Variants in LRFN5 observed in about 807,000 individuals in gnomAD.
LRFN5 encodes leucine-rich repeat and fibronectin type-III domain-containing protein 5.
In LRFN5, 24 loss-of-function variants were observed where a neutral mutation model predicts 45.6. That is an observed-to-expected ratio of 0.53 (90% CI 0.38 to 0.74). The LOEUF is 0.74. LRFN5 is among the 30% of genes least tolerant of loss of function. The probability of loss-of-function intolerance (pLI) is 0.00; values close to 1 mark genes in which losing one functional copy is unlikely to be tolerated. For missense variants in LRFN5, 776 were observed against 861.5 expected (o/e 0.90, Z 1.24); for synonymous variants, 340 against 313.8 (o/e 1.08, Z -0.88).
At chr14:41,860,594 C>A (rs147559604) in intron 2 of LRFN5, among the ~76,000 whole-genome samples, 2 of 152,036 alleles carry the variant, frequency 1.3e-5, no homozygotes, top group Admixed American at 1.3e-4. Flanking sequence ...TATATTTAAC[C>A]AAGTTGCTGA....
chr14:41,789,773 CAT>C (rs1239634379), intron 2 of LRFN5, among the ~76,000 whole-genome samples: 3 of 152,014 alleles, frequency 2.0e-5, no homozygotes, highest in Admixed American at 6.6e-5. Context: ...CTAAGATAAA[CAT>C]AGTGATTTTA....
At chr14:41,854,843 C>T (rs1889397677) in intron 2 of LRFN5, among the ~76,000 whole-genome samples, 1 of 152,112 alleles carries the variant, frequency 6.6e-6, no homozygotes, top group Admixed American at 6.5e-5. Flanking sequence ...AGGTTTTAAA[C>T]TCAATACACT....
intron 2 of LRFN5, among the ~76,000 whole-genome samples, chr14:41,842,700 T>G (rs1888905563): frequency 6.6e-6 from 1 of 152,178 alleles, no homozygotes; most frequent in African/African-American, 2.4e-5. Context: ...TTTTCTTCAG[T>G]GGATGTATAA....
intron 1 of LRFN5, among the ~76,000 whole-genome samples, chr14:41,732,604 T>C (rs144584343): frequency 0.012 from 1,766 of 151,988 alleles, 32 homozygotes; most frequent in African/African-American, 0.039. Flanking sequence ...AAACAAAAAA[T>C]GAAAACAAGA....
In LRFN5 at chr14:41,869,988, A is replaced by G. The variant is rs184197039; in HGVS notation, c.-20-16618A>G. On this transcript the variant is annotated intron_variant, in intron 2 of 5. Coordinates refer to ENST00000298119, the MANE Select transcript of LRFN5 (RefSeq NM_152447.5). ...TCTAAATATTTTTTATTAGTTTACTATGGCTGTGAAATGAATAAAGACTGA... is the reference window on the plus strand; with the variant it reads ...TCTAAATATTTTTTATTAGTTTACTGTGGCTGTGAAATGAATAAAGACTGA... Among the ~76,000 whole-genome samples the G allele has an allele frequency of 4.3e-3, 655 of 152,272 alleles. 3 individuals carry two copies. Among genetic ancestry groups the G allele is most frequent in the African/African-American group, 0.015 (631 of 41,556 alleles).
intron 2 of LRFN5, among the ~76,000 whole-genome samples, chr14:41,823,974 C>A (rs1224324804): frequency 6.6e-6 from 1 of 152,056 alleles, no homozygotes; most frequent in Non-Finnish European, 1.5e-5. Context: ...AAGCTTTCAA[C>A]TGTATTTTGT....
At chr14:41,781,644 A>G (rs1205140602) in intron 2 of LRFN5, among the ~76,000 whole-genome samples, 4 of 150,472 alleles carry the variant, frequency 2.7e-5, no homozygotes, top group Non-Finnish European at 5.9e-5. Flanking sequence ...GGAAAGAAAG[A>G]AAGAGAAAGA....
intron 1 of LRFN5, among the ~76,000 whole-genome samples, chr14:41,673,644 G>C (rs1402754519): frequency 1.4e-4 from 20 of 139,440 alleles, no homozygotes; most frequent in African/African-American, 5.1e-4. Context: ...CCTCCCTCCC[G>C]GACGGGGCAG....
rs139092637 is a variant in LRFN5, at chr14:41,643,114, A to G, written c.-197+34552A>G. Among the ~76,000 whole-genome samples the G allele has an allele frequency of 3.3e-3, 498 of 152,302 alleles. 3 individuals are homozygous for G. Among genetic ancestry groups the G allele is most frequent in the African/African-American group, 0.011 (463 of 41,566 alleles). On this transcript the variant is annotated intron_variant, in intron 1 of 5. Coordinates refer to ENST00000298119, the MANE Select transcript of LRFN5 (RefSeq NM_152447.5). ...AAAATACAGCATTTAGAAAAATCAT[A>G]TATTTTTGACTCCCTACATATTTTG...
intron 4 of LRFN5, among the ~76,000 whole-genome samples, chr14:41,896,985 G>A (rs568632846): frequency 5.3e-5 from 8 of 151,772 alleles, no homozygotes; most frequent in Admixed American, 5.3e-4. Flanking sequence ...CCAGCTACTC[G>A]GGAGGCTGAG....
chr14:41,635,822 C>T (rs375318205), intron 1 of LRFN5, among the ~76,000 whole-genome samples: 2 of 151,870 alleles, frequency 1.3e-5, no homozygotes, highest in East Asian at 1.9e-4. Flanking sequence ...TTTTTTTGCT[C>T]CTATGTAGGC....
intron 2 of LRFN5, among the ~76,000 whole-genome samples, chr14:41,850,502 A>C (rs994230808): frequency 6.6e-6 from 1 of 151,932 alleles, no homozygotes; most frequent in African/African-American, 2.4e-5. Context: ...CAAGTTATTA[A>C]AATATCATAG....
intron 1 of LRFN5, among the ~76,000 whole-genome samples, chr14:41,652,424 C>T (rs1424993608): frequency 2.0e-5 from 3 of 151,880 alleles, no homozygotes; most frequent in African/African-American, 7.3e-5. Flanking sequence ...CATTACTTAA[C>T]GTAACAATAA....
intron 1 of LRFN5, among the ~76,000 whole-genome samples, chr14:41,713,571 A>AAAG (rs1883370861): frequency 6.6e-6 from 1 of 152,140 alleles, no homozygotes; most frequent in Admixed American, 6.6e-5. Flanking sequence ...CAAAAGGCAT[A>AAAG]AAGATGTATT....
At chr14:41,724,609 G>C (rs1173684003) in intron 1 of LRFN5, among the ~76,000 whole-genome samples, 1 of 152,068 alleles carries the variant, frequency 6.6e-6, no homozygotes, top group Non-Finnish European at 1.5e-5. Context: ...GTTTTAAGTA[G>C]CAAAATGGCC....
intron 2 of LRFN5, among the ~76,000 whole-genome samples, chr14:41,804,659 C>T (rs2138976300): frequency 6.6e-6 from 1 of 152,068 alleles, no homozygotes; most frequent in East Asian, 1.9e-4. Flanking sequence ...TGACCCAAGC[C>T]CTGGAAAGAC....
At chr14:41,692,788 CTCTT>C (rs1225354657) in intron 1 of LRFN5, among the ~76,000 whole-genome samples, 5 of 152,064 alleles carry the variant, frequency 3.3e-5, no homozygotes, top group African/African-American at 9.7e-5. Context: ...TTTTTGTCTT[CTCTT>C]TAAGAAATAT....
intron 1 of LRFN5, among the ~76,000 whole-genome samples, chr14:41,634,497 C>T (rs1260700662): frequency 6.6e-6 from 1 of 152,134 alleles, no homozygotes; most frequent in African/African-American, 2.4e-5. Context: ...ACGAGATCTT[C>T]TGTACTTCAA....
At chr14:41,864,856 A>G (rs1454522514) in intron 2 of LRFN5, among the ~76,000 whole-genome samples, 1 of 151,730 alleles carries the variant, frequency 6.6e-6, no homozygotes, top group Non-Finnish European at 1.5e-5. Flanking sequence ...TTTTACTATC[A>G]TTCTCATTCC....
Sources: gnomAD v4.1 joint callset for allele counts (sites outside exome capture counted in the v4.1 genomes callset) on GRCh38, gnomAD v4.1.1 for gene constraint, MANE v1.5 for transcripts, NCBI Gene and HGNC (gene_info 2026-07-23, HGNC 2026-07-21) for gene names.